The following SPECC1 variants were observed in gnomAD, a reference collection of about 807,000 sequenced individuals.
The protein encoded by SPECC1 is cytospin-B.
Under a neutral mutation model 104.1 loss-of-function variants are expected in SPECC1, and 62 were observed. The ratio of observed to expected loss-of-function variants is 0.60; its 90% CI spans 0.49 to 0.74. SPECC1 has a LOEUF of 0.74. Among genes scored for constraint, SPECC1 ranks in the 30% least tolerant of loss-of-function variants. The probability of loss-of-function intolerance (pLI) is 0.00; values close to 1 mark genes in which losing one functional copy is unlikely to be tolerated. For synonymous variants in SPECC1, 513 were observed against 501.6 expected, an observed-to-expected ratio of 1.02 and a Z score of -0.30; for missense variants, 1,306 against 1,310.5, an observed-to-expected ratio of 1.00 and a Z score of 0.05.
At chr17:20,268,647 A>C (rs1165237918) in intron 12 of SPECC1, among the ~76,000 whole-genome samples, 1 of 152,122 alleles carries the variant, frequency 6.6e-6, no homozygotes, top group African/African-American at 2.4e-5. Context: ...GGCCTTTTCT[A>C]CCCACTTTCT....
chr17:20,070,224 G>A (rs748775421), intron 1 of SPECC1, among the ~76,000 whole-genome samples: 7 of 152,144 alleles, frequency 4.6e-5, no homozygotes, highest in Admixed American at 1.3e-4. Context: ...AGATTTTCAC[G>A]TAAAGTACAA....
At position 20,246,079 on chromosome 17, in the gene SPECC1, A is replaced by G; in HGVS notation, c.2497+8A>G. 6 of 1,613,364 alleles carry G rather than the reference A, an allele frequency of 3.7e-6. No homozygotes were observed. The highest frequency in any genetic ancestry group is 5.1e-6 in the Non-Finnish European group (6 of 1,179,592). Reference sequence around the variant, plus strand: ...TTGACTTGGGACGCCCAGGTATTTAATCATTTTTTCTATAAGCAAAGCTCC... The same window carrying G: ...TTGACTTGGGACGCCCAGGTATTTAGTCATTTTTTCTATAAGCAAAGCTCC... On this transcript the variant is annotated splice_region_variant and intron_variant, in intron 8 of 14. Transcript: ENST00000395527.
intron 1 of SPECC1, among the ~76,000 whole-genome samples, chr17:20,047,623 A>G (rs1054001801): frequency 4.0e-4 from 61 of 150,990 alleles, no homozygotes; most frequent in African/African-American, 1.5e-3. Flanking sequence ...TTTGAGATGG[A>G]GTCTCACTCT....
At chr17:20,147,029 C>T (rs556389688) in intron 3 of SPECC1, among the ~76,000 whole-genome samples, 1 of 151,484 alleles carries the variant, frequency 6.6e-6, no homozygotes, top group Non-Finnish European at 1.5e-5. Flanking sequence ...TTGGTGTTGT[C>T]AGTCTTTTGG....
At chr17:20,059,413 A>C (rs371629252) in intron 1 of SPECC1, among the ~76,000 whole-genome samples, 1 of 152,162 alleles carries the variant, frequency 6.6e-6, no homozygotes, top group Non-Finnish European at 1.5e-5. Flanking sequence ...GGTGAAGCCC[A>C]GGTGGTAATG....
intron 2 of SPECC1, 107 bp downstream of exon 2, chr17:20,096,905 G>GGC: frequency 7.1e-7 from 1 of 1,413,190 alleles, no homozygotes; most frequent in Admixed American, 2.1e-5. Context: ...CAGGGAAGGA[G>GGC]GCTCCCAAGG....
In SPECC1 at chr17:20,205,036, C is replaced by T. The variant is rs777425511; in HGVS notation, c.987C>T (p.Ser329=). 37 of 1,613,954 alleles carry T rather than the reference C, an allele frequency of 2.3e-5. No homozygotes were observed. Among genetic ancestry groups the T allele is most frequent in the South Asian group, 7.7e-5 (7 of 91,058 alleles). The stretch of plus-strand genomic sequence containing the variant: ...AAGCTTCTTTGTCGCCAGATGCTTC[C>T]GACTTTGAGCACATTACAGCAGAGA... The part of the protein sequence containing the change: ...VTKASLSPDA[S]DFEHITAETP... The change falls in exon 4 of 15, where the codon TCC becomes TCT. Residue 329 remains serine, a synonymous_variant. Transcript: ENST00000395527.
At chr17:20,310,574 G>A (rs1171518978) in intron 14 of SPECC1, among the ~76,000 whole-genome samples, 1 of 152,226 alleles carries the variant, frequency 6.6e-6, no homozygotes, top group Non-Finnish European at 1.5e-5. Context: ...AAGGAATTAG[G>A]CGAGGGACGA....
At chr17:20,014,383 A>T (rs1296261215) in intron 1 of SPECC1, among the ~76,000 whole-genome samples, 1 of 152,200 alleles carries the variant, frequency 6.6e-6, no homozygotes, top group East Asian at 1.9e-4. Context: ...ATAAACAGTT[A>T]TTTAGGTAAA....
At chr17:20,226,306 A>G (rs1255277859) in intron 4 of SPECC1, among the ~76,000 whole-genome samples, 1 of 152,260 alleles carries the variant, frequency 6.6e-6, no homozygotes, top group African/African-American at 2.4e-5. Context: ...AACACAGTTA[A>G]AATGCAGGAG....
At chr17:20,231,356 C>G (rs150911299) in intron 5 of SPECC1, among the ~76,000 whole-genome samples, 2 of 152,182 alleles carry the variant, frequency 1.3e-5, no homozygotes, top group South Asian at 4.1e-4. Context: ...TTCATGTGCT[C>G]TGTTATGTGA....
intron 2 of SPECC1, among the ~76,000 whole-genome samples, chr17:20,097,262 T>C (rs892899732): frequency 1.3e-5 from 2 of 152,194 alleles, no homozygotes; most frequent in African/African-American, 4.8e-5. Flanking sequence ...GTCTCTAAGG[T>C]TGGGTGGGCC....
At chr17:20,180,673 A>G (rs767261832) in intron 3 of SPECC1, among the ~76,000 whole-genome samples, 4 of 152,242 alleles carry the variant, frequency 2.6e-5, no homozygotes, top group Non-Finnish European at 4.4e-5. Flanking sequence ...TGTCTTGCCT[A>G]AAGGCATTGA....
rs1231547607 is a variant in SPECC1, at chr17:20,233,593, C to CG, written c.2351+1189dup. ...CTCACTATGTTGCCCAGGCTGGACT[C>CG]GAACTACTGAGCCCAGGAGATTCTT... On this transcript the variant is annotated intron_variant, in intron 7 of 14. Transcript: ENST00000395527. 3.3e-5 allele frequency among the ~76,000 whole-genome samples: 5 copies of CG among 152,266 alleles called. No individual in the cohort carries two copies. In the East Asian group the frequency reaches 9.6e-4, roughly 29 times the overall value.
rs900224939 is a variant in SPECC1 at position 20,257,604 on chromosome 17, T to C, written c.2834T>C (p.Leu945Pro). 9.9e-6 allele frequency: 16 copies of C among 1,611,760 alleles called. No individual in the cohort carries two copies. The highest frequency in any genetic ancestry group is 1.7e-5 in the Admixed American group (1 of 59,204). Residue 945 changes from leucine (L) to proline (P), a missense_variant, in exon 11 of 15, where the codon CTC becomes CCC. Leu to Pro is a moderately conservative substitution (Grantham distance 98, BLOSUM62 -3). Coordinates refer to ENST00000395527, the MANE Select transcript of SPECC1 (RefSeq NM_001243439.2). ...CGGGCATGGAAACCACAAAGCAAAC[T>C]CAGGTATCGTGTTTCAAACAATAAG... ...STRAWKPQSKLSVERKDPLAA... is the reference protein window; with the variant it reads ...STRAWKPQSKPSVERKDPLAA...
chr17:20,283,563 T>C (rs1262149359), intron 12 of SPECC1, among the ~76,000 whole-genome samples: 1 of 152,192 alleles, frequency 6.6e-6, no homozygotes, highest in Non-Finnish European at 1.5e-5. Flanking sequence ...TACAGGTTCA[T>C]TTCTCTGCCA....
intron 13 of SPECC1, among the ~76,000 whole-genome samples, chr17:20,300,590 TAA>T (rs1033049058): frequency 8.5e-5 from 13 of 152,344 alleles, no homozygotes; most frequent in Non-Finnish European, 1.8e-4. Flanking sequence ...ATTATGGACC[TAA>T]AAGTGTTTGT....
intron 4 of SPECC1, among the ~76,000 whole-genome samples, chr17:20,218,166 G>T (rs2703820): frequency 6.6e-6 from 1 of 152,118 alleles, no homozygotes; most frequent in Non-Finnish European, 1.5e-5. Context: ...ACTACCTAGT[G>T]TTGTATATAT....
At chr17:20,305,992 T>C (rs1266039759) in intron 13 of SPECC1, 31 bp from the exon 14 acceptor site, 1 of 1,602,430 alleles carries the variant, frequency 6.2e-7, no homozygotes, top group East Asian at 2.2e-5. Context: ...TTTAAATTAC[T>C]GATTCCAGTC....
Sources: allele counts gnomAD v4.1 joint callset (sites outside exome capture counted in the v4.1 genomes callset), GRCh38; gene constraint gnomAD v4.1.1; transcripts MANE v1.5; gene names NCBI Gene and HGNC (gene_info 2026-07-23, HGNC 2026-07-21).